ATP6V1G3: variants seen among roughly 807,000 people sequenced by gnomAD.
ATP6V1G3 encodes ATPase H+ transporting V1 subunit G3.
A neutral mutation model predicts 9.3 loss-of-function variants in ATP6V1G3; 9 were observed. That is an observed-to-expected ratio of 0.97 (90% CI 0.59 to 1.69). The LOEUF is 1.69. Among genes scored for constraint, ATP6V1G3 ranks in the 40% most tolerant of loss-of-function variants. The pLI, the probability that ATP6V1G3 is intolerant of heterozygous loss-of-function variation, is 0.00. For synonymous variants in ATP6V1G3, 43 were observed against 43.8 expected (o/e 0.98, Z 0.07); for missense variants, 133 against 139.0 (o/e 0.96, Z 0.22).
intron 1 of ATP6V1G3, among the ~76,000 whole-genome samples, chr1:198,537,986 A>C (rs966704656): frequency 6.6e-6 from 1 of 152,252 alleles, no homozygotes; most frequent in East Asian, 1.9e-4. Context: ...TTAAGAAAAC[A>C]GTTTCTATCC....
chr1:198,523,514 T>C lies in ATP6V1G3; in HGVS notation c.234A>G (p.Leu78=). ...GTCCATTAAGTTCTTGTATCTTCCC[T>C]AGTGTTTGTTCTTCTATTTCATCTG... ...NLSDEIEEQT[L]GKIQELNGHY... The change falls in exon 3 of 3, where the codon CTA becomes CTG. Residue 78 remains leucine, a synonymous_variant. Transcript: ENST00000367382. 1 of 1,613,636 alleles carries C rather than the reference T, an allele frequency of 6.2e-7. No individual in the cohort carries two copies. The highest frequency in any genetic ancestry group is 8.5e-7 in the Non-Finnish European group (1 of 1,179,728).
At chr1:198,528,523 A>G (rs1297492449) in intron 2 of ATP6V1G3, among the ~76,000 whole-genome samples, 2 of 152,140 alleles carry the variant, frequency 1.3e-5, no homozygotes, top group Non-Finnish European at 2.9e-5. Context: ...TAAACTGCAG[A>G]TATTTAAAAA....
At chr1:198,525,640 A>G (rs1198810505) in intron 2 of ATP6V1G3, among the ~76,000 whole-genome samples, 1 of 152,160 alleles carries the variant, frequency 6.6e-6, no homozygotes, top group Non-Finnish European at 1.5e-5. Context: ...TTAATCTAAT[A>G]ATATTCATAT....
chr1:198,529,286 C>T, intron 1 of ATP6V1G3, 105 bp from the exon 2 acceptor site: 1 of 255,484 alleles, frequency 3.9e-6, no homozygotes, highest in Non-Finnish European at 6.6e-6. Context: ...AACAACTGTA[C>T]ATATATGTTA....
chr1:198,535,279 T>C (rs1240364957), intron 1 of ATP6V1G3, among the ~76,000 whole-genome samples: 1 of 152,130 alleles, frequency 6.6e-6, no homozygotes, highest in Admixed American at 6.5e-5. Context: ...AATTCTTATA[T>C]AACAACTTTT....
At position 198,523,633 on chromosome 1, in the gene ATP6V1G3, C is replaced by T. The variant is rs376341046; in HGVS notation, c.184-69G>A. On this transcript the variant is annotated intron_variant, in intron 2 of 2. Coordinates refer to ENST00000367382, the MANE Select transcript of ATP6V1G3 (RefSeq NM_001376861.1). ...TTTTACAAGTTAAATTTGTCCTAGC[C>T]TGTTTACTGATGATTGTCCTACAAT... The T allele has an allele frequency of 9.9e-5, 143 of 1,443,754 alleles. No homozygotes were observed. In the East Asian group the frequency reaches 2.6e-3, roughly 26 times the overall value. 89.4% of individuals were successfully genotyped at this position (1,443,754 alleles called of 1,614,324 possible).
At chr1:198,535,617 A>G (rs1200986204) in intron 1 of ATP6V1G3, among the ~76,000 whole-genome samples, 1 of 152,078 alleles carries the variant, frequency 6.6e-6, no homozygotes, top group Non-Finnish European at 1.5e-5. Context: ...TTTTTATTGG[A>G]TATTAAAATA....
chr1:198,530,783 G>GA (rs1163544948), intron 1 of ATP6V1G3, among the ~76,000 whole-genome samples: 6 of 152,006 alleles, frequency 3.9e-5, no homozygotes, highest in Admixed American at 1.3e-4. Context: ...ATGTTGGTAG[G>GA]AAAAACTATT....
In ATP6V1G3 at chr1:198,529,098, G is replaced by A. The variant is rs776856347; in HGVS notation, c.166C>T (p.Arg56Ter). 2.7e-5 allele frequency: 42 copies of A among 1,531,780 alleles called. No individual in the cohort carries two copies. In the Middle Eastern group the frequency reaches 5.2e-4, roughly 19 times the overall value. The allele number at this position is 1,531,780 out of a possible 1,614,324, so 94.9% of individuals were successfully genotyped here. Reference protein sequence around the residue: ...QYRMQRDKEFRLKQSKIMGSQ... With the variant: ...QYRMQRDKEF ...TTACTCACCTTAGATTGTTTTAGTCGAAACTCTTTATCTCTCTGCATTCTG... is the reference window on the plus strand; with the variant it reads ...TTACTCACCTTAGATTGTTTTAGTCAAAACTCTTTATCTCTCTGCATTCTG... The change falls in exon 2 of 3, where the codon CGA becomes TGA. Residue 56 changes from arginine to a stop codon, truncating the protein, a stop_gained. Coordinates refer to ENST00000367382, the MANE Select transcript of ATP6V1G3 (RefSeq NM_001376861.1). LOFTEE classifies it low-confidence loss of function (END_TRUNC).
At chr1:198,527,413 T>C (rs1659699922) in intron 2 of ATP6V1G3, among the ~76,000 whole-genome samples, 1 of 152,134 alleles carries the variant, frequency 6.6e-6, no homozygotes, top group African/African-American at 2.4e-5. Flanking sequence ...CTGAACAAGA[T>C]ATATATATCT....
At chr1:198,531,055 A>G (rs1425037260) in intron 1 of ATP6V1G3, among the ~76,000 whole-genome samples, 1 of 152,070 alleles carries the variant, frequency 6.6e-6, no homozygotes, top group Non-Finnish European at 1.5e-5. Context: ...AGTGGAATTC[A>G]GCACTCCACT....
chr1:198,532,783 T>C (rs993420403), intron 1 of ATP6V1G3, among the ~76,000 whole-genome samples: 1 of 152,138 alleles, frequency 6.6e-6, no homozygotes, highest in Non-Finnish European at 1.5e-5. Context: ...GCAGAGGCCC[T>C]GAGGTGGGAG....
At chr1:198,536,224 A>G (rs1200941944) in intron 1 of ATP6V1G3, among the ~76,000 whole-genome samples, 1 of 152,206 alleles carries the variant, frequency 6.6e-6, no homozygotes, top group Non-Finnish European at 1.5e-5. Context: ...GCAGAGCTAT[A>G]GGGTTTTAAA....
intron 2 of ATP6V1G3, 49 bp downstream of exon 2, chr1:198,529,032 A>G: frequency 2.3e-6 from 2 of 857,336 alleles, no homozygotes; most frequent in Non-Finnish European, 3.7e-6. Context: ...TATAAATATG[A>G]AGATCTTATC....
intron 1 of ATP6V1G3, among the ~76,000 whole-genome samples, chr1:198,534,067 TCAA>T (rs1203938010): frequency 6.6e-6 from 1 of 152,084 alleles, no homozygotes; most frequent in Non-Finnish European, 1.5e-5. Context: ...AAATAAGGGC[TCAA>T]GGTGGTCAAG....
intron 2 of ATP6V1G3, 133 bp downstream of exon 2, chr1:198,528,948 G>T: frequency 3.3e-6 from 1 of 306,634 alleles, no homozygotes; most frequent in Non-Finnish European, 6.1e-6. Flanking sequence ...GATTTTGCTT[G>T]ATGTTCAGCT....
chr1:198,531,280 A>T (rs1452933780), intron 1 of ATP6V1G3, among the ~76,000 whole-genome samples: 1 of 152,172 alleles, frequency 6.6e-6, no homozygotes, highest in Non-Finnish European at 1.5e-5. Context: ...CAGTGGAAAA[A>T]ACTGGAGCCT....
At chr1:198,536,957 G>A (rs1035205861) in intron 1 of ATP6V1G3, among the ~76,000 whole-genome samples, 2 of 152,068 alleles carry the variant, frequency 1.3e-5, no homozygotes, top group East Asian at 3.8e-4. Flanking sequence ...TTTACAGAAA[G>A]AAAGTCTGAA....
chr1:198,534,956 G>T (rs1407241083), intron 1 of ATP6V1G3, among the ~76,000 whole-genome samples: 1 of 152,166 alleles, frequency 6.6e-6, no homozygotes, highest in East Asian at 1.9e-4. Context: ...CTCCTTTGGT[G>T]ACTGTCACTG....
Sources: allele counts gnomAD v4.1 joint callset (sites outside exome capture counted in the v4.1 genomes callset), GRCh38; gene constraint gnomAD v4.1.1; transcripts MANE v1.5; gene names NCBI Gene and HGNC (gene_info 2026-07-23, HGNC 2026-07-21).